The following CUX1 variants were observed in gnomAD, a reference collection of about 807,000 sequenced individuals.
CUX1 encodes the protein protein CASP.
A neutral mutation model predicts 158.8 loss-of-function variants in CUX1; 31 were observed. The ratio of observed to expected loss-of-function variants is 0.20; its 90% CI spans 0.15 to 0.26. The LOEUF is 0.26. CUX1 is among the 10% of genes least tolerant of loss of function. The pLI is 1.00. For synonymous variants in CUX1, 879 were observed against 862.1 expected (o/e 1.02, Z -0.34); for missense variants, 1,589 against 2,014.6 (o/e 0.79, Z 4.04).
intron 1 of CUX1, among the ~76,000 whole-genome samples, chr7:101,851,581 A>G (rs1009664276): frequency 2.6e-5 from 4 of 152,248 alleles, no homozygotes; most frequent in African/African-American, 4.8e-5. Context: ...CACTTCCTGC[A>G]GAATGGGAAA....
At chr7:102,229,052 AAT>A (rs1245999484) in intron 21 of CUX1, among the ~76,000 whole-genome samples, 5 of 152,168 alleles carry the variant, frequency 3.3e-5, no homozygotes, top group Non-Finnish European at 7.4e-5. Context: ...GACTGGTAAT[AAT>A]AGTCATTGTT....
At chr7:102,213,856 G>A (rs1330801208) in intron 20 of CUX1, among the ~76,000 whole-genome samples, 1 of 152,176 alleles carries the variant, frequency 6.6e-6, no homozygotes, top group African/African-American at 2.4e-5. Context: ...AGTGAGGCCG[G>A]GCTCAGTGGC....
chr7:102,201,737 G>A lies in CUX1; in HGVS notation c.2440G>A (p.Val814Met), dbSNP rs372143546. The change falls in exon 18 of 24, where the codon GTG (valine) becomes ATG (methionine). Residue 814 changes from valine (V) to methionine (M), a missense_variant. Physicochemically the swap from Val to Met is conservative, Grantham distance 21. This residue lies in a region of CUX1 where 337 missense variants were observed against 409.3 expected (regional missense o/e 0.82). Coordinates refer to ENST00000292535, the MANE Select transcript of CUX1 (RefSeq NM_181552.4). The surrounding 1 kb of genome is among the most constrained non-coding windows in gnomAD (Gnocchi z 5.0). ...QGVLRQVKNE[V>M]GRSGAWKDHW... ...GGTCCTGAGACAGGTGAAAAATGAG[G>A]TGGGCCGCAGCGGTGCCTGGAAGGA... 2.5e-6 allele frequency: 4 copies of A among 1,612,520 alleles called. No homozygotes were observed. Among genetic ancestry groups the A allele is most frequent in the South Asian group, 1.1e-5 (1 of 91,086 alleles).
intron 2 of CUX1, among the ~76,000 whole-genome samples, chr7:101,958,433 A>G (rs540569014): frequency 6.7e-6 from 1 of 149,838 alleles, no homozygotes; most frequent in South Asian, 2.1e-4. Flanking sequence ...GTTCAGTGGG[A>G]GGAGTAACCC....
At chr7:102,126,116 C>T (rs1832609017) in intron 8 of CUX1, among the ~76,000 whole-genome samples, 1 of 151,682 alleles carries the variant, frequency 6.6e-6, no homozygotes, top group Non-Finnish European at 1.5e-5. Context: ...TGGGTTCAAG[C>T]GATTCTCCAG....
chr7:102,195,746 T>G, intron 14 of CUX1, 143 bp downstream of exon 14: 1 of 704,594 alleles, frequency 1.4e-6, no homozygotes, highest in Non-Finnish European at 2.3e-6. Flanking sequence ...TAACGCGTGT[T>G]GGGTGCCCTC....
At chr7:101,840,916 C>T (rs577470674) in intron 1 of CUX1, among the ~76,000 whole-genome samples, 20 of 151,042 alleles carry the variant, frequency 1.3e-4, no homozygotes, top group Non-Finnish European at 2.4e-4. Flanking sequence ...TTTTTTGAGA[C>T]GGAGTCTTGC....
chr7:102,106,754 A>G (rs1554488590), intron 6 of CUX1, among the ~76,000 whole-genome samples: 1 of 152,174 alleles, frequency 6.6e-6, no homozygotes, highest in Admixed American at 6.5e-5. Context: ...GAGACCAGTC[A>G]CAGAGCTGTA....
In CUX1 at chr7:101,883,057, C is replaced by T. The variant is rs999452943; in HGVS notation, c.31-33058C>T. 2.6e-5 allele frequency among the ~76,000 whole-genome samples: 4 copies of T among 152,244 alleles called. No homozygotes were observed. The South Asian group carries it at 6.2e-4, about 24-fold the overall frequency. Reference sequence around the variant, plus strand: ...ACTGGGAGCGGATCTAGAGTCCAGGCCAGTGACTGATTTCAAACGCTAACA... The same window carrying T: ...ACTGGGAGCGGATCTAGAGTCCAGGTCAGTGACTGATTTCAAACGCTAACA... On this transcript the variant is annotated intron_variant, in intron 1 of 23. Coordinates refer to ENST00000292535, the MANE Select transcript of CUX1 (RefSeq NM_181552.4).
chr7:102,069,633 CA>C lies in CUX1; in HGVS notation c.190-705del, dbSNP rs575364198. On this transcript the variant is annotated intron_variant, in intron 3 of 23. Transcript: ENST00000292535. The stretch of plus-strand genomic sequence containing the variant: ...GCATGGTGGTAGGCACCTGTAATTC[CA>C]GCTACTTGGGAGGCTGAGGGCAAGA... 3.3e-5 allele frequency among the ~76,000 whole-genome samples: 5 copies of C among 152,254 alleles called. No individual in the cohort carries two copies. In the South Asian group the frequency reaches 1.0e-3, roughly 32 times the overall value.
chr7:101,924,135 G>A (rs970920687), intron 2 of CUX1, among the ~76,000 whole-genome samples: 6 of 152,058 alleles, frequency 3.9e-5, no homozygotes, highest in Non-Finnish European at 8.8e-5. Context: ...AGGAAGCCAC[G>A]CACCTGATGC....
intron 2 of CUX1, among the ~76,000 whole-genome samples, chr7:101,971,371 G>A (rs1811931792): frequency 6.6e-6 from 1 of 152,196 alleles, no homozygotes. Flanking sequence ...GAGGAGGCTG[G>A]GCATGGTGGC....
rs60973137 is a variant in CUX1 at position 102,176,558 on chromosome 7, C to CT, written c.829-1884dup. On this transcript the variant is annotated intron_variant, in intron 10 of 23. Transcript: ENST00000292535. ...CAGAATCTTTCAGGAGCCAGGATTCCTTTTTTTTTTTTTTTTTTTTTTTTT... is the reference window on the plus strand; with the variant it reads ...CAGAATCTTTCAGGAGCCAGGATTCCTTTTTTTTTTTTTTTTTTTTTTTTTT... 7.3e-3 allele frequency among the ~76,000 whole-genome samples: 634 copies of CT among 86,718 alleles called. 33 individuals carry two copies. Among genetic ancestry groups the CT allele is most frequent in the East Asian group, 0.013 (45 of 3,438 alleles). 56.9% of individuals were successfully genotyped at this position (86,718 alleles called of 152,430 possible). A position where few individuals can be genotyped will look rare whatever the true frequency, so the allele number is the denominator to read the frequency against.
chr7:101,965,689 T>C (rs1485790047), intron 2 of CUX1, among the ~76,000 whole-genome samples: 1 of 150,598 alleles, frequency 6.6e-6, no homozygotes, highest in Non-Finnish European at 1.5e-5. Context: ...CTACTAAAAA[T>C]ACAAAAAAAA....
At chr7:102,264,445 G>A (rs1790655109) in intron 14 of CUX1, among the ~76,000 whole-genome samples, 1 of 152,214 alleles carries the variant, frequency 6.6e-6, no homozygotes, top group East Asian at 1.9e-4. Context: ...CAGCATGGCC[G>A]CAGCACCGTG....
At chr7:101,947,326 C>T (rs1019213643) in intron 2 of CUX1, among the ~76,000 whole-genome samples, 8 of 152,020 alleles carry the variant, frequency 5.3e-5, no homozygotes, top group African/African-American at 1.7e-4. Flanking sequence ...CCCAGGAGCT[C>T]GAGGCTGCAG....
chr7:102,265,201 CA>C (rs1239611069), intron 14 of CUX1, among the ~76,000 whole-genome samples: 3 of 151,896 alleles, frequency 2.0e-5, no homozygotes, highest in African/African-American at 7.3e-5. Flanking sequence ...ACTAAAAATA[CA>C]AAAATTAGCC....
intron 2 of CUX1, among the ~76,000 whole-genome samples, chr7:101,939,061 ATATATATATAT>A (rs1563035950): frequency 0.07 from 47 of 676 alleles, 1 homozygote; most frequent in African/African-American, 0.18. Flanking sequence ...AAAAATACAT[ATATATATATAT>A]ATATATATAT....
intron 1 of CUX1, among the ~76,000 whole-genome samples, chr7:101,822,906 GAAAA>G (rs796103013): frequency 1.4e-4 from 12 of 87,606 alleles, no homozygotes; most frequent in Non-Finnish European, 1.9e-4. Flanking sequence ...CTCTGTCTCA[GAAAA>G]AAAAAAAAAA....
Sources: allele counts gnomAD v4.1 joint callset (sites outside exome capture counted in the v4.1 genomes callset), GRCh38; gene constraint gnomAD v4.1.1; regional missense constraint gnomAD v4.1.1; non-coding constraint Gnocchi (gnomAD v3.1); transcripts MANE v1.5; gene names NCBI Gene and HGNC (gene_info 2026-07-23, HGNC 2026-07-21).